PHC1: variants seen among roughly 807,000 people sequenced by gnomAD.
PHC1 encodes polyhomeotic-like protein 1.
PHC1 carries 12 observed loss-of-function variants against 104.3 expected under a neutral mutation model. The ratio of observed to expected loss-of-function variants is 0.12; its 90% CI spans 0.07 to 0.19. The LOEUF (loss-of-function observed/expected upper bound fraction) is 0.19, where lower values mean the gene tolerates loss of function less well. Among genes scored for constraint, PHC1 ranks in the 10% least tolerant of loss-of-function variants. PHC1 has a pLI of 1.00. For synonymous variants in PHC1, 302 were observed against 455.8 expected (o/e 0.66, Z 4.30); for missense variants, 671 against 1,200.0 (o/e 0.56, Z 6.51).
At position 8,937,200 on chromosome 12, in the gene PHC1, G is replaced by T. The variant is rs1945862421; in HGVS notation, c.2502G>T (p.Gln834His). 6.2e-7 allele frequency: 1 copy of T among 1,612,756 alleles called. No homozygotes were observed. Among genetic ancestry groups the T allele is most frequent in the South Asian group, 1.1e-5 (1 of 90,804 alleles). ...AKRYNVSCSH[Q>H]FRLKRKKMKE... ...GGTACAATGTGAGCTGTAGCCATCA[G>T]TTCCGGCTGAAGAGGAAAAAAATGA... The change falls in exon 13 of 15, where the codon CAG becomes CAT. Residue 834 changes from glutamine to histidine, a missense_variant. Gln to His is a conservative substitution (Grantham distance 24). Around this residue, in one of 9 missense-constraint regions of PHC1, gnomAD observed 192 missense variants for 280.5 expected, o/e 0.68. Transcript: ENST00000544916.
intron 7 of PHC1, 40 bp from the exon 8 acceptor site, chr12:8,932,521 GCT>G: frequency 6.3e-7 from 1 of 1,592,094 alleles, no homozygotes. Flanking sequence ...ATTATTCTCT[GCT>G]CTTTTTTCTC....
intron 5 of PHC1, 35 bp from the exon 6 acceptor site, chr12:8,922,598 G>A: frequency 6.5e-7 from 1 of 1,540,092 alleles, no homozygotes; most frequent in Non-Finnish European, 8.8e-7. Context: ...TTTCCCTCTT[G>A]TCCTCTTTGC....
At position 8,930,815 on chromosome 12, in the gene PHC1, A is replaced by G; in HGVS notation, c.993A>G (p.Ala331=). ...VTVSQGSQTE[A]ESAAAKKAEA... is the part of the protein sequence containing the mutation. ...TGAGCCAGGGCAGCCAGACAGAGGC[A>G]GAAAGTGCAGCAGCCAAGAAGGCAG... is the stretch of plus-strand genomic sequence containing the variant. The change falls in exon 7 of 15, where the codon GCA becomes GCG. Residue 331 remains alanine (A), a synonymous_variant. Transcript: ENST00000544916. 6.5e-7 allele frequency: 1 copy of G among 1,543,724 alleles called. No homozygotes were observed. The highest frequency in any genetic ancestry group is 8.8e-7 in the Non-Finnish European group (1 of 1,132,180).
chr12:8,917,525 G>A (rs1177582089), intron 1 of PHC1, 105 bp from the exon 2 acceptor site: 4 of 474,732 alleles, frequency 8.4e-6, no homozygotes, highest in Non-Finnish European at 1.5e-5. Flanking sequence ...GGAAGAGGAG[G>A]AAGATTCTTA....
intron 8 of PHC1, 39 bp downstream of exon 8, chr12:8,933,389 A>G (rs1213913990): frequency 2.7e-6 from 4 of 1,506,608 alleles, no homozygotes; most frequent in Admixed American, 4.2e-5. Flanking sequence ...ACTATTATGC[A>G]TGAGAGTGGA....
At chr12:8,931,779 T>C (rs1805776) in intron 7 of PHC1, among the ~76,000 whole-genome samples, 28,641 of 152,130 alleles carry the variant, frequency 0.19, 3,276 homozygotes, top group Admixed American at 0.28. Flanking sequence ...TTTGCCTTTT[T>C]TTGTTTCTAG....
chr12:8,930,824 A>G lies in PHC1; in HGVS notation c.1002A>G (p.Ala334=). The G allele has an allele frequency of 1.3e-6, 2 of 1,540,994 alleles. No homozygotes were observed. Among genetic ancestry groups the G allele is most frequent in the Non-Finnish European group, 1.8e-6 (2 of 1,132,868 alleles). ...SQGSQTEAES[A]AAKKAEADGS... ...GCAGCCAGACAGAGGCAGAAAGTGC[A>G]GCAGCCAAGAAGGCAGAAGCAGATG... Residue 334 remains alanine, a synonymous_variant, in exon 7 of 15, where the codon GCA becomes GCG. Transcript: ENST00000544916.
At position 8,921,025 on chromosome 12, in the gene PHC1, C is replaced by A; in HGVS notation, c.266C>A (p.Thr89Asn). 6.2e-7 allele frequency: 1 copy of A among 1,613,722 alleles called. No individual in the cohort carries two copies. The highest frequency in any genetic ancestry group is 8.5e-7 in the Non-Finnish European group (1 of 1,179,874). The change falls in exon 4 of 15, where the codon ACC (threonine) becomes AAC (asparagine). Residue 89 changes from threonine (T) to asparagine (N), a missense_variant. By Grantham distance (65) the Thr-to-Asn change is moderately conservative. Transcript: ENST00000544916. ...AGTCGGCAGGCCAGCTCCCCAAACA[C>A]CAGCACTACACAGCAGCAGACTACC... ...AASRQASSPN[T>N]STTQQQTTTT...
At position 8,919,818 on chromosome 12, in the gene PHC1, G is replaced by A; in HGVS notation, c.177G>A (p.Gln59=). The change falls in exon 3 of 15, where the codon CAG becomes CAA. Residue 59 remains glutamine, a synonymous_variant. Transcript: ENST00000544916. The surrounding 1 kb of genome is among the most constrained non-coding windows in gnomAD (Gnocchi z 4.9). ...AGTATTTCCACCAGTTCATGCTCCAGCAGCAGCTCAGTAATGCCCAGCTGC... is the reference window on the plus strand; with the variant it reads ...AGTATTTCCACCAGTTCATGCTCCAACAGCAGCTCAGTAATGCCCAGCTGC... The part of the protein sequence containing the change: ...AAQYFHQFML[Q]QQLSNAQLHS... The A allele has an allele frequency of 1.2e-6, 2 of 1,611,308 alleles. No individual in the cohort carries two copies. The highest frequency in any genetic ancestry group is 8.5e-7 in the Non-Finnish European group (1 of 1,178,888).
In PHC1 at chr12:8,938,035, G is replaced by A. The variant is rs1353404137; in HGVS notation, c.2835G>A (p.Val945=). 1.2e-6 allele frequency: 2 copies of A among 1,606,912 alleles called. No homozygotes were observed. The highest frequency in any genetic ancestry group is 1.7e-6 in the Non-Finnish European group (2 of 1,174,840). ...SNPSRWSVEE[V]YEFIASLQGC... ...CCAGCCGTTGGAGTGTAGAGGAGGT[G>A]TACGAGTTTATTGCTTCTCTCCAAG... Residue 945 remains valine (V), a synonymous_variant, in exon 14 of 15, where the codon GTG becomes GTA. Transcript: ENST00000544916.
chr12:8,923,931 A>G (rs1246866703), intron 6 of PHC1, among the ~76,000 whole-genome samples: 1 of 152,212 alleles, frequency 6.6e-6, no homozygotes, highest in African/African-American at 2.4e-5. Flanking sequence ...GTAACCATTT[A>G]CATAGTACTT....
intron 6 of PHC1, among the ~76,000 whole-genome samples, chr12:8,923,077 G>T (rs1022570736): frequency 2.0e-5 from 3 of 152,168 alleles, no homozygotes; most frequent in Non-Finnish European, 4.4e-5. Flanking sequence ...CTGTGGGTTT[G>T]TTTTATTCGG....
chr12:8,932,539 T>C, intron 7 of PHC1, 24 bp from the exon 8 acceptor site: 1 of 1,607,604 alleles, frequency 6.2e-7, no homozygotes, highest in Non-Finnish European at 8.5e-7. Context: ...TTCTCTCTGT[T>C]GTATTCTGGG....
chr12:8,930,295 T>G, intron 6 of PHC1, 140 bp from the exon 7 acceptor site: 1 of 1,315,498 alleles, frequency 7.6e-7, no homozygotes, highest in African/African-American at 1.5e-5. Flanking sequence ...AGGAAGGCCT[T>G]AAAGTATATG....
chr12:8,936,530 A>G (rs1055627022), intron 11 of PHC1, among the ~76,000 whole-genome samples: 10 of 152,192 alleles, frequency 6.6e-5, no homozygotes, highest in African/African-American at 2.4e-4. Context: ...GAAGGATCTT[A>G]TATCTTTCTA....
chr12:8,930,373 G>C, intron 6 of PHC1, 62 bp from the exon 7 acceptor site: 1 of 1,560,434 alleles, frequency 6.4e-7, no homozygotes, highest in Non-Finnish European at 8.7e-7. Context: ...GGCTGCTTTT[G>C]AATCTTTAAC....
In PHC1 at chr12:8,917,619, C is replaced by A; in HGVS notation, c.-48-11C>A. 1.4e-6 allele frequency: 1 copy of A among 731,194 alleles called. No individual in the cohort carries two copies. Among genetic ancestry groups the A allele is most frequent in the Non-Finnish European group, 2.2e-6 (1 of 463,622 alleles). The allele number at this position is 731,194 out of a possible 1,614,324, so 45.3% of individuals were successfully genotyped here. A position where few individuals can be genotyped will look rare whatever the true frequency, so the allele number is the denominator to read the frequency against. ...AGATATAAATTTTAACCTTTTACTG[C>A]TTCCCTCTAGGTCTTGAGTCAGACA... On this transcript the variant is annotated splice_polypyrimidine_tract_variant and intron_variant, in intron 1 of 14. Transcript: ENST00000544916.
intron 3 of PHC1, among the ~76,000 whole-genome samples, chr12:8,920,228 AAT>A (rs1359760661): frequency 1.3e-5 from 2 of 152,252 alleles, no homozygotes; most frequent in Non-Finnish European, 2.9e-5. Flanking sequence ...GTAATTTAAA[AAT>A]ATTAATTACA....
chr12:8,933,440 T>C, intron 8 of PHC1, 90 bp downstream of exon 8: 1 of 1,391,484 alleles, frequency 7.2e-7, no homozygotes, highest in Admixed American at 2.8e-5. Context: ...AATAGGGGAA[T>C]AAAGAGTTAA....
Sources: gnomAD v4.1 joint callset for allele counts (sites outside exome capture counted in the v4.1 genomes callset) on GRCh38, gnomAD v4.1.1 for gene constraint, gnomAD v4.1.1 regional missense constraint, Gnocchi (gnomAD v3.1) non-coding constraint, MANE v1.5 for transcripts, NCBI Gene and HGNC (gene_info 2026-07-23, HGNC 2026-07-21) for gene names.